PCDHA10: variants seen among roughly 807,000 people sequenced by gnomAD.
The protein encoded by PCDHA10 is protocadherin alpha 10, also known as protocadherin alpha-10.
PCDHA10 carries 45 observed loss-of-function variants against 61.2 expected under a neutral mutation model. That is an observed-to-expected ratio of 0.74 (90% CI 0.58 to 0.94). The LOEUF is 0.94. PCDHA10 is among the 40% of genes least tolerant of loss of function. The pLI is 0.00. For synonymous variants in PCDHA10, 602 were observed against 548.8 expected, an observed-to-expected ratio of 1.10 and a Z score of -1.35; for missense variants, 1,278 against 1,236.2, an observed-to-expected ratio of 1.03 and a Z score of -0.51.
intron 1 of PCDHA10, chr5:140,865,758 G>A (rs2048989245): frequency 6.6e-6 from 1 of 152,150 alleles, no homozygotes; most frequent in African/African-American, 2.4e-5. Flanking sequence ...CCAGTACATG[G>A]TGGAGATATT....
At chr5:140,871,103 C>A (rs202137231) in intron 1 of PCDHA10, 29 of 1,613,172 alleles carry the variant, frequency 1.8e-5, no homozygotes, top group South Asian at 1.2e-4. Context: ...GTGCTGGTGT[C>A]GTTGGTGGAG....
At chr5:140,881,353 G>T (rs537796043) in intron 1 of PCDHA10, 4 of 985,178 alleles carry the variant, frequency 4.1e-6, no homozygotes, top group Non-Finnish European at 4.8e-6. Context: ...GCTACAATGC[G>T]TGGCTTTCGT....
intron 1 of PCDHA10, 24 bp downstream of exon 1, chr5:140,858,460 C>T (rs1395067215): frequency 6.6e-7 from 1 of 1,525,828 alleles, no homozygotes; most frequent in African/African-American, 1.4e-5. Context: ...TTTTCATTTT[C>T]CTTTTGTGCT....
chr5:140,870,009 G>T, intron 1 of PCDHA10: 2 of 1,613,488 alleles, frequency 1.2e-6, no homozygotes, highest in Non-Finnish European at 1.7e-6. Flanking sequence ...GAGAAGTGAG[G>T]GTCAATGGAA....
intron 1 of PCDHA10, among the ~76,000 whole-genome samples, chr5:140,900,275 C>T (rs1260418745): frequency 9.2e-5 from 14 of 151,438 alleles, no homozygotes; most frequent in African/African-American, 2.9e-4. Context: ...GTATATGTAC[C>T]ACACTTTCTT....
intron 1 of PCDHA10, chr5:140,930,385 C>T (rs1335168502): frequency 6.6e-6 from 1 of 151,798 alleles, no homozygotes; most frequent in Non-Finnish European, 1.5e-5. Flanking sequence ...CTTGGCATTT[C>T]AAAACTTCTT....
rs2098423382 is a variant in PCDHA10, at chr5:141,012,241, T to C, written c.*2304T>C. On this transcript the variant is annotated 3_prime_UTR_variant, in exon 4 of 4. Coordinates refer to ENST00000307360, the MANE Select transcript of PCDHA10 (RefSeq NM_018901.4). ...GTGCTTTCCAATCCATGTTAGTTAC[T>C]AGTTATTACAGCTGTAAGGATAAAA... 6.5e-6 allele frequency: 1 copy of C among 153,802 alleles called. No homozygotes were observed. The highest frequency in any genetic ancestry group is 6.5e-5 in the Admixed American group (1 of 15,284). The allele number at this position is 153,802 out of a possible 1,614,324, so 9.5% of individuals were successfully genotyped here.
chr5:140,935,380 A>C (rs1188418457), intron 1 of PCDHA10, among the ~76,000 whole-genome samples: 1 of 152,220 alleles, frequency 6.6e-6, no homozygotes, highest in Non-Finnish European at 1.5e-5. Context: ...AGAATTACTC[A>C]TTTGTTATCC....
At chr5:140,929,317 A>G in intron 1 of PCDHA10, 1 of 1,549,080 alleles carries the variant, frequency 6.5e-7, no homozygotes, top group South Asian at 1.2e-5. Flanking sequence ...CGCTAATGTC[A>G]ATGCCATGGT....
At chr5:140,926,115 A>G (rs1554203115) in intron 1 of PCDHA10, among the ~76,000 whole-genome samples, 1 of 152,134 alleles carries the variant, frequency 6.6e-6, no homozygotes, top group East Asian at 1.9e-4. Context: ...AGGGTGCAGG[A>G]CAGACTTCAA....
At chr5:140,937,142 A>G (rs1362886135) in intron 1 of PCDHA10, among the ~76,000 whole-genome samples, 1 of 147,852 alleles carries the variant, frequency 6.8e-6, no homozygotes, top group Non-Finnish European at 1.5e-5. Context: ...GGTTCATGCC[A>G]TTCTCCTGCC....
chr5:141,006,002 G>T (rs185630910), intron 3 of PCDHA10, among the ~76,000 whole-genome samples: 1 of 151,740 alleles, frequency 6.6e-6, no homozygotes, highest in East Asian at 1.9e-4. Context: ...CTGAAAGAAG[G>T]CCTGTATGGT....
At chr5:140,882,823 T>C (rs2059326985) in intron 1 of PCDHA10, 1 of 1,614,160 alleles carries the variant, frequency 6.2e-7, no homozygotes, top group Non-Finnish European at 8.5e-7. Flanking sequence ...CACAAAACAG[T>C]CTTGAGCAAA....
intron 1 of PCDHA10, among the ~76,000 whole-genome samples, chr5:140,958,824 A>G (rs1008923744): frequency 5.9e-5 from 9 of 152,158 alleles, no homozygotes; most frequent in Admixed American, 5.9e-4. Context: ...TAATTTTTAT[A>G]TCTTAAAGTT....
intron 1 of PCDHA10, chr5:140,929,361 C>T (rs115903226): frequency 3.5e-5 from 53 of 1,519,472 alleles, no homozygotes; most frequent in Middle Eastern, 1.8e-4. Context: ...TCCTTTGGCC[C>T]GGAGATGGCT....
chr5:140,907,167 T>C (rs1200819434), intron 1 of PCDHA10, among the ~76,000 whole-genome samples: 3 of 152,166 alleles, frequency 2.0e-5, no homozygotes, highest in Non-Finnish European at 4.4e-5. Context: ...ATATATTGGA[T>C]GCTGATTCAG....
chr5:140,928,161 C>G (rs155820), intron 1 of PCDHA10: 543,775 of 1,613,884 alleles, frequency 0.34, 93,301 homozygotes, highest in East Asian at 0.51. Flanking sequence ...GTGGCTCACC[C>G]CCACTTAGCA....
At chr5:140,957,107 G>A in intron 1 of PCDHA10, among the ~76,000 whole-genome samples, 1 of 152,092 alleles carries the variant, frequency 6.6e-6, no homozygotes, top group East Asian at 1.9e-4. Context: ...CTATGGACAT[G>A]ATTCTGTGTG....
chr5:140,857,141 G>A lies in PCDHA10; in HGVS notation c.1093G>A (p.Gly365Ser). Residue 365 changes from glycine (G) to serine (S), a missense_variant, in exon 1 of 4, where the codon GGC becomes AGC. Physicochemically the swap from Gly to Ser is moderately conservative, Grantham distance 56. Transcript: ENST00000307360. ...SLPVKEDAQV[G>S]TVIALISVSD... ...CCCAGTGAAAGAAGATGCTCAAGTG[G>A]GCACCGTCATTGCCCTAATCAGCGT... The A allele has an allele frequency of 1.9e-6, 3 of 1,598,268 alleles. No homozygotes were observed. Among genetic ancestry groups the A allele is most frequent in the Non-Finnish European group, 2.6e-6 (3 of 1,167,782 alleles).
Sources: gnomAD v4.1 joint callset for allele counts (sites outside exome capture counted in the v4.1 genomes callset) on GRCh38, gnomAD v4.1.1 for gene constraint, MANE v1.5 for transcripts, NCBI Gene and HGNC (gene_info 2026-07-23, HGNC 2026-07-21) for gene names.